CDH18: variants seen among roughly 807,000 people sequenced by gnomAD.
CDH18 encodes cadherin 18.
A neutral mutation model predicts 67.9 loss-of-function variants in CDH18; 31 were observed. The ratio of observed to expected loss-of-function variants is 0.46; its 90% CI spans 0.34 to 0.62. The LOEUF (loss-of-function observed/expected upper bound fraction) is 0.62. Among genes scored for constraint, CDH18 ranks in the 20% least tolerant of loss-of-function variants. The pLI, the probability that CDH18 is intolerant of heterozygous loss-of-function variation, is 0.01. For missense variants in CDH18, 890 were observed against 975.5 expected, an observed-to-expected ratio of 0.91 and a Z score of 1.17; for synonymous variants, 362 against 347.2, an observed-to-expected ratio of 1.04 and a Z score of -0.48.
chr5:19,921,272 C>T (rs141807541), intron 2 of CDH18, among the ~76,000 whole-genome samples: 3,978 of 152,246 alleles, frequency 0.026, 212 homozygotes, highest in East Asian at 0.22. Flanking sequence ...TGGCTCACAC[C>T]TGTAATCCCA....
chr5:20,190,948 G>T (rs906109900), intron 2 of CDH18, among the ~76,000 whole-genome samples: 10 of 152,192 alleles, frequency 6.6e-5, no homozygotes, highest in African/African-American at 1.9e-4. Flanking sequence ...ATGGCCTGTG[G>T]TTTCACAGCA....
intron 6 of CDH18, among the ~76,000 whole-genome samples, chr5:19,593,004 C>CT (rs910706973): frequency 6.6e-6 from 1 of 151,932 alleles, no homozygotes; most frequent in Non-Finnish European, 1.5e-5. Context: ...TGCAAGATCT[C>CT]TTTTTTTAAG....
chr5:20,360,478 A>G (rs1443274330), intron 1 of CDH18, among the ~76,000 whole-genome samples: 1 of 152,148 alleles, frequency 6.6e-6, no homozygotes, highest in Non-Finnish European at 1.5e-5. Context: ...GGTTGGCATC[A>G]TTCCTACTTA....
At chr5:19,609,663 A>C (rs1015287586) in intron 6 of CDH18, among the ~76,000 whole-genome samples, 1 of 152,030 alleles carries the variant, frequency 6.6e-6, no homozygotes, top group African/African-American at 2.4e-5. Flanking sequence ...AGGAAAAAAC[A>C]CTTTGAGAGA....
chr5:20,570,014 G>A (rs1758718647), intron 1 of CDH18, among the ~76,000 whole-genome samples: 1 of 152,108 alleles, frequency 6.6e-6, no homozygotes, highest in Non-Finnish European at 1.5e-5. Flanking sequence ...CAGGTGTTAC[G>A]GAGAAGGAAC....
At chr5:19,523,196 T>C (rs1199699866) in intron 9 of CDH18, among the ~76,000 whole-genome samples, 2 of 152,150 alleles carry the variant, frequency 1.3e-5, no homozygotes, top group Admixed American at 6.6e-5. Context: ...AAAACATGTT[T>C]TAAATTATTA....
intron 11 of CDH18, chr5:19,502,699 C>T: frequency 2.1e-6 from 1 of 474,760 alleles, no homozygotes; most frequent in East Asian, 3.3e-5. Context: ...GCAGTGGCAG[C>T]AGCTCTCATA....
intron 5 of CDH18, among the ~76,000 whole-genome samples, chr5:19,636,137 T>C (rs1193992652): frequency 6.6e-6 from 1 of 152,130 alleles, no homozygotes; most frequent in Non-Finnish European, 1.5e-5. Context: ...CAATAAATGA[T>C]ACAGAAAAAG....
rs1333663947 is a variant in CDH18, at chr5:20,060,599, A to G, written c.-517-68585T>C. 2.0e-5 allele frequency among the ~76,000 whole-genome samples: 3 copies of G among 152,204 alleles called. No individual in the cohort carries two copies. The East Asian group carries it at 5.8e-4, about 29-fold the overall frequency. On this transcript the variant is annotated intron_variant, in intron 2 of 14. Transcript: ENST00000507958. Reference sequence around the variant, plus strand: ...TTTGAAATTGAAAAATATTATGAATATGCATGATAAAAATGTGAGCCCCGT... The same window carrying G: ...TTTGAAATTGAAAAATATTATGAATGTGCATGATAAAAATGTGAGCCCCGT...
intron 2 of CDH18, among the ~76,000 whole-genome samples, chr5:20,235,203 C>T (rs748047321): frequency 1.3e-5 from 2 of 152,014 alleles, no homozygotes; most frequent in Non-Finnish European, 1.5e-5. Flanking sequence ...AAATGACCTT[C>T]TCAATATTGG....
chr5:20,400,137 TG>T (rs1193461965), intron 1 of CDH18, among the ~76,000 whole-genome samples: 1 of 152,306 alleles, frequency 6.6e-6, no homozygotes, highest in African/African-American at 2.4e-5. Context: ...TCTACATGTT[TG>T]TATAGATCAA....
chr5:20,334,816 G>T, intron 1 of CDH18, among the ~76,000 whole-genome samples: 1 of 140,664 alleles, frequency 7.1e-6, no homozygotes, highest in African/African-American at 2.7e-5. Context: ...CCTCAATAAA[G>T]CACAACCTGA....
intron 2 of CDH18, among the ~76,000 whole-genome samples, chr5:20,099,913 A>G (rs1477862732): frequency 2.6e-5 from 4 of 151,994 alleles, no homozygotes; most frequent in Non-Finnish European, 5.9e-5. Flanking sequence ...CCTCCCAAGT[A>G]GCTGGGATTA....
At chr5:19,784,708 T>C (rs1198404959) in intron 3 of CDH18, among the ~76,000 whole-genome samples, 2 of 152,176 alleles carry the variant, frequency 1.3e-5, no homozygotes, top group African/African-American at 2.4e-5. Flanking sequence ...TAATCTTACT[T>C]CATTTTTTAG....
At chr5:19,623,572 T>A (rs1272292167) in intron 5 of CDH18, among the ~76,000 whole-genome samples, 1 of 152,072 alleles carries the variant, frequency 6.6e-6, no homozygotes, top group African/African-American at 2.4e-5. Flanking sequence ...TTGGCATATT[T>A]TTATCTTATT....
intron 7 of CDH18, among the ~76,000 whole-genome samples, chr5:19,576,054 C>A (rs1435242075): frequency 1.3e-5 from 2 of 152,004 alleles, no homozygotes; most frequent in Non-Finnish European, 1.5e-5. Flanking sequence ...GCAAGCAGAG[C>A]TACAGACTCA....
At chr5:20,505,430 CT>C (rs1250694641) in intron 1 of CDH18, among the ~76,000 whole-genome samples, 1 of 151,864 alleles carries the variant, frequency 6.6e-6, no homozygotes. Context: ...AATTTTCTTT[CT>C]TTTTTTGGTA....
At chr5:20,352,236 C>T (rs1247187289) in intron 1 of CDH18, among the ~76,000 whole-genome samples, 6 of 152,058 alleles carry the variant, frequency 3.9e-5, no homozygotes, top group Admixed American at 6.6e-5. Flanking sequence ...AATGTGAAGA[C>T]GAAGAGAATG....
At chr5:20,233,618 A>G (rs779520564) in intron 2 of CDH18, among the ~76,000 whole-genome samples, 1 of 151,794 alleles carries the variant, frequency 6.6e-6, no homozygotes, top group Non-Finnish European at 1.5e-5. Flanking sequence ...GCATGTATAT[A>G]CATATACACA....
Sources: allele counts gnomAD v4.1 joint callset (sites outside exome capture counted in the v4.1 genomes callset), GRCh38; gene constraint gnomAD v4.1.1; transcripts MANE v1.5; gene names NCBI Gene and HGNC (gene_info 2026-07-23, HGNC 2026-07-21).